Variants in ERO1B observed in about 807,000 individuals in gnomAD.
The protein encoded by ERO1B is endoplasmic reticulum oxidoreductase 1 beta.
In ERO1B, 49 loss-of-function variants were observed where a neutral mutation model predicts 75.3. The ratio of observed to expected loss-of-function variants is 0.65; its 90% confidence interval spans 0.52 to 0.83. The LOEUF (loss-of-function observed/expected upper bound fraction) is 0.83. Ranked by LOEUF, ERO1B falls within the 40% of genes least tolerant of loss-of-function variation. The probability of loss-of-function intolerance (pLI) is 0.00; values close to 1 mark genes in which losing one functional copy is unlikely to be tolerated. For synonymous variants in ERO1B, 191 were observed against 192.9 expected, an observed-to-expected ratio of 0.99 and a Z score of 0.08; for missense variants, 512 against 560.1, an observed-to-expected ratio of 0.91 and a Z score of 0.87.
Position 236,252,082 on chromosome 1 carries a change from G to T in ERO1B, c.316C>A (p.Pro106Thr). ...GAATGCCCAGCTTTTATTCCAACCG[G>T]AATTTTACTCTTAAAAAAACAAGAA... ...HVEPCPESKIPVGIKAGHSNK... is the reference protein window; with the variant it reads ...HVEPCPESKITVGIKAGHSNK... The change falls in exon 4 of 16, where the codon CCG (proline) becomes ACG (threonine). Residue 106 changes from proline to threonine, a missense_variant. Physicochemically the swap from Pro to Thr is conservative, Grantham distance 38. Coordinates refer to ENST00000354619, the MANE Select transcript of ERO1B (RefSeq NM_019891.4). 1 of 1,598,794 alleles carries T rather than the reference G, an allele frequency of 6.3e-7. No homozygotes were observed. Among genetic ancestry groups the T allele is most frequent in the Non-Finnish European group, 8.5e-7 (1 of 1,170,320 alleles).
At chr1:236,247,082 T>G (rs149739440) in intron 5 of ERO1B, among the ~76,000 whole-genome samples, 1 of 152,298 alleles carries the variant, frequency 6.6e-6, no homozygotes, top group African/African-American at 2.4e-5. Context: ...CCCCAAAATC[T>G]TCCAATGACT....
chr1:236,253,588 C>G, intron 2 of ERO1B, 83 bp from the exon 3 acceptor site: 1 of 847,558 alleles, frequency 1.2e-6, no homozygotes, highest in Admixed American at 2.2e-5. Flanking sequence ...GCACCAGTGA[C>G]ATGGTGGTGA....
Position 236,215,110 on chromosome 1 carries a change from TAAGCTTTATGATTCAA to T in ERO1B, c.*3390_*3405del, listed in dbSNP as rs1459408433. 6.6e-6 allele frequency among the ~76,000 whole-genome samples: 1 copy of T among 152,244 alleles called. No homozygotes were observed. The highest frequency in any genetic ancestry group is 2.4e-5 in the African/African-American group (1 of 41,462). On this transcript the variant is annotated 3_prime_UTR_variant, in exon 16 of 16. Transcript: ENST00000354619. ...AATTAAATAAGATAAGCATATTTTA[TAAGCTTTATGATTCAA>T]TACAAATCAAACAATGCTTTTAATT...
chr1:236,225,173 A>T (rs766494941), intron 12 of ERO1B, 34 bp from the exon 13 acceptor site: 1 of 1,599,178 alleles, frequency 6.3e-7, no homozygotes. Context: ...TAAGTTACAC[A>T]TGAAAAATCC....
At chr1:236,273,197 T>C (rs1007117559) in intron 1 of ERO1B, among the ~76,000 whole-genome samples, 1 of 152,136 alleles carries the variant, frequency 6.6e-6, no homozygotes, top group African/African-American at 2.4e-5. Flanking sequence ...GAAGATGCTA[T>C]ACTGCTGGCT....
At chr1:236,261,417 A>G (rs889358304) in intron 2 of ERO1B, among the ~76,000 whole-genome samples, 1 of 152,214 alleles carries the variant, frequency 6.6e-6, no homozygotes, top group Non-Finnish European at 1.5e-5. Context: ...GACTCCACCA[A>G]AAAATCTAGT....
chr1:236,279,504 C>CAAATAAAAAAAAA (rs1665776910), intron 1 of ERO1B, among the ~76,000 whole-genome samples: 1 of 78,540 alleles, frequency 1.3e-5, no homozygotes, highest in Admixed American at 1.8e-4. Flanking sequence ...GACTCCATCT[C>CAAATAAAAAAAAA]AAAAAAAAAA....
chr1:236,226,447 T>G lies in ERO1B; in HGVS notation c.874A>C (p.Thr292Pro). 1 of 1,614,136 alleles carries G rather than the reference T, an allele frequency of 6.2e-7. No homozygotes were observed. The highest frequency in any genetic ancestry group is 1.1e-5 in the South Asian group (1 of 91,080). Residue 292 changes from threonine to proline, a missense_variant, in exon 12 of 16, where the codon ACC (threonine) becomes CCC (proline). Transcript: ENST00000354619. ...EFKHRFDPVE[T>P]KGEGPRRLKN... ...AGCCTTCTTGGACCTTCTCCCTTGGTTTCCACAGGGTCAAAGCGGTGTTTG... is the reference window on the plus strand; with the variant it reads ...AGCCTTCTTGGACCTTCTCCCTTGGGTTCCACAGGGTCAAAGCGGTGTTTG...
chr1:236,277,727 G>A (rs548230128), intron 1 of ERO1B, among the ~76,000 whole-genome samples: 2 of 152,212 alleles, frequency 1.3e-5, no homozygotes, highest in East Asian at 1.9e-4. Flanking sequence ...TAGATGAAAA[G>A]GTGATGGAGA....
chr1:236,269,796 T>C, intron 2 of ERO1B, 79 bp downstream of exon 2: 4 of 1,190,664 alleles, frequency 3.4e-6, no homozygotes, highest in Non-Finnish European at 4.8e-6. Flanking sequence ...TGAGAGGAAC[T>C]GAAATGGGCT....
At chr1:236,269,523 T>C (rs1030961728) in intron 2 of ERO1B, among the ~76,000 whole-genome samples, 2 of 152,164 alleles carry the variant, frequency 1.3e-5, no homozygotes, top group Non-Finnish European at 2.9e-5. Context: ...CTAACAATGC[T>C]AGCACACTGA....
rs571618225 is a variant in ERO1B, at chr1:236,216,404, T to C, written c.*2112A>G. 2.6e-5 allele frequency: 4 copies of C among 152,104 alleles called. No individual in the cohort carries two copies. The highest frequency in any genetic ancestry group is 6.5e-5 in the Admixed American group (1 of 15,278). 9.4% of individuals were successfully genotyped at this position (152,104 alleles called of 1,614,324 possible). A position where few individuals can be genotyped will look rare whatever the true frequency, so the allele number is the denominator to read the frequency against. On this transcript the variant is annotated 3_prime_UTR_variant, in exon 16 of 16. Transcript: ENST00000354619. ...CAGGCTCACACAATCATTTAAGAAA[T>C]AAAAACACATACACAAAAATGTAGG...
chr1:236,268,957 G>A (rs1296114518), intron 2 of ERO1B, among the ~76,000 whole-genome samples: 3 of 151,916 alleles, frequency 2.0e-5, no homozygotes, highest in African/African-American at 7.3e-5. Flanking sequence ...TATTTAGGCC[G>A]GGCACAGTGA....
At chr1:236,263,973 GTTA>G (rs1417433847) in intron 2 of ERO1B, among the ~76,000 whole-genome samples, 1 of 149,672 alleles carries the variant, frequency 6.7e-6, no homozygotes, top group African/African-American at 2.5e-5. Context: ...CTTCTAAATG[GTTA>G]TTATTTACAT....
At chr1:236,228,985 T>C (rs12021734) in intron 10 of ERO1B, among the ~76,000 whole-genome samples, 10,406 of 152,306 alleles carry the variant, frequency 0.068, 744 homozygotes, top group East Asian at 0.39. Context: ...ATGCTACTTT[T>C]CACAATTTGT....
chr1:236,235,719 T>C, intron 8 of ERO1B, 70 bp downstream of exon 8: 1 of 1,325,260 alleles, frequency 7.5e-7, no homozygotes, highest in Non-Finnish European at 1.1e-6. Flanking sequence ...GTTTTTTCAA[T>C]ATGAAGTTTA....
intron 2 of ERO1B, among the ~76,000 whole-genome samples, chr1:236,263,405 C>T (rs550949967): frequency 9.9e-5 from 15 of 151,956 alleles, no homozygotes; most frequent in South Asian, 6.2e-4. Flanking sequence ...CACTCCACCA[C>T]GCCTGGCTAA....
In ERO1B at chr1:236,224,983, T is replaced by C. The variant is rs1483993481; in HGVS notation, c.1122+87A>G. ...CAACTCTGACAAGAAGCTGGAAAAC[T>C]GGGAAAGAAAACAGTTTGGATGCAC... On this transcript the variant is annotated intron_variant, in intron 13 of 15. Coordinates refer to ENST00000354619, the MANE Select transcript of ERO1B (RefSeq NM_019891.4). 11 of 1,232,592 alleles carry C rather than the reference T, an allele frequency of 8.9e-6. No individual in the cohort carries two copies. In the African/African-American group the frequency reaches 1.5e-4, roughly 17 times the overall value. The allele number at this position is 1,232,592 out of a possible 1,614,324, so 76.4% of individuals were successfully genotyped here. A position where few individuals can be genotyped will look rare whatever the true frequency, so the allele number is the denominator to read the frequency against.
intron 10 of ERO1B, among the ~76,000 whole-genome samples, chr1:236,227,520 G>A: frequency 6.6e-6 from 1 of 152,066 alleles, no homozygotes; most frequent in Non-Finnish European, 1.5e-5. Context: ...TGATTAAGAT[G>A]GTAAATTCTT....
Sources: allele counts gnomAD v4.1 joint callset (sites outside exome capture counted in the v4.1 genomes callset), GRCh38; gene constraint gnomAD v4.1.1; transcripts MANE v1.5; gene names NCBI Gene and HGNC (gene_info 2026-07-23, HGNC 2026-07-21).